The following MS4A4E variants were observed in gnomAD, a reference collection of about 807,000 sequenced individuals.
The protein encoded by MS4A4E is putative membrane-spanning 4-domains subfamily A member 4E.
In MS4A4E, 23 loss-of-function variants were observed where a neutral mutation model predicts 13.3. The ratio of observed to expected loss-of-function variants is 1.73; its 90% CI spans 1.25 to 2.45. MS4A4E has a LOEUF of 2.45. Ranked by LOEUF, MS4A4E falls within the 30% of genes most tolerant of loss-of-function variation. The pLI is 0.00. For synonymous variants in MS4A4E, 36 were observed against 45.6 expected, an observed-to-expected ratio of 0.79 and a Z score of 0.85; for missense variants, 144 against 131.2, an observed-to-expected ratio of 1.10 and a Z score of -0.48.
intron 5 of MS4A4E, chr11:60,209,205 T>G (rs1343035479): frequency 2.0e-5 from 3 of 152,336 alleles, no homozygotes; most frequent in African/African-American, 7.2e-5. Context: ...GAAATCAAGG[T>G]TGCTTATTAG....
intron 3 of MS4A4E, chr11:60,225,043 C>A (rs1419636122): frequency 2.0e-5 from 31 of 1,567,254 alleles, no homozygotes; most frequent in Non-Finnish European, 2.4e-5. Context: ...CAACACACAT[C>A]ATTATTATTC....
chr11:60,207,011 G>T (rs1023807202), intron 6 of MS4A4E, among the ~76,000 whole-genome samples: 3 of 152,150 alleles, frequency 2.0e-5, no homozygotes, highest in African/African-American at 7.2e-5. Flanking sequence ...TGCACAATAT[G>T]ATGGGTAAAC....
chr11:60,210,953 A>C (rs971385779), intron 5 of MS4A4E, among the ~76,000 whole-genome samples: 3 of 152,250 alleles, frequency 2.0e-5, no homozygotes, highest in Non-Finnish European at 4.4e-5. Flanking sequence ...AATTTTTAAA[A>C]ATAATTTCAA....
Position 60,202,835 on chromosome 11 carries a change from T to C in MS4A4E, c.660-956A>G, listed in dbSNP as rs190125650. On this transcript the variant is annotated intron_variant, in intron 8 of 8. Coordinates refer to ENST00000651255, the MANE Select transcript of MS4A4E (RefSeq NM_001393391.1). ...CGTATTACTATTGACAGTGGAAAACTGTACTACAGTTGGAATCTCATTTTA... is the reference window on the plus strand; with the variant it reads ...CGTATTACTATTGACAGTGGAAAACCGTACTACAGTTGGAATCTCATTTTA... Among the ~76,000 whole-genome samples, 5 of 152,354 alleles carry C rather than the reference T, an allele frequency of 3.3e-5. No individual in the cohort carries two copies. In the East Asian group the frequency reaches 5.8e-4, roughly 18 times the overall value.
At chr11:60,220,136 T>C (rs1263235554) in intron 3 of MS4A4E, among the ~76,000 whole-genome samples, 3 of 152,170 alleles carry the variant, frequency 2.0e-5, no homozygotes, top group African/African-American at 4.8e-5. Flanking sequence ...ATTGCAGACA[T>C]TAGTGCCACC....
intron 8 of MS4A4E, among the ~76,000 whole-genome samples, 167 bp downstream of exon 8, chr11:60,204,723 T>C (rs1190407178): frequency 6.6e-6 from 1 of 152,186 alleles, no homozygotes; most frequent in Admixed American, 6.5e-5. Context: ...TAAACATACT[T>C]CCTTTACAGA....
intron 1 of MS4A4E, among the ~76,000 whole-genome samples, chr11:60,230,817 T>G (rs1157809198): frequency 1.3e-5 from 2 of 152,246 alleles, no homozygotes; most frequent in Non-Finnish European, 2.9e-5. Context: ...TGGAAATTTT[T>G]ACCTATGTAT....
intron 4 of MS4A4E, 92 bp downstream of exon 4, chr11:60,214,479 A>G: frequency 1.1e-6 from 1 of 936,060 alleles, no homozygotes; most frequent in Non-Finnish European, 1.5e-6. Context: ...GACTTTTTTA[A>G]AAACAAACAA....
intron 1 of MS4A4E, among the ~76,000 whole-genome samples, chr11:60,241,470 C>T (rs1396514946): frequency 3.3e-5 from 5 of 152,144 alleles, no homozygotes; most frequent in African/African-American, 1.2e-4. Flanking sequence ...CTGTAAGCTT[C>T]CTGAGGGCCG....
chr11:60,214,518 T>C lies in MS4A4E; in HGVS notation c.222+53A>G, dbSNP rs1308564860. The C allele has an allele frequency of 2.3e-6, 3 of 1,285,396 alleles. No individual in the cohort carries two copies. In the African/African-American group the frequency reaches 4.6e-5, roughly 20 times the overall value. The allele number at this position is 1,285,396 out of a possible 1,614,324, so 79.6% of individuals were successfully genotyped here. A position where few individuals can be genotyped will look rare whatever the true frequency, so the allele number is the denominator to read the frequency against. ...AAACCTGTTTTATACCCTGGCAGAA[T>C]ACATTATTGATTAATCCTTTCCTTT... On this transcript the variant is annotated intron_variant, in intron 4 of 8. Coordinates refer to ENST00000651255, the MANE Select transcript of MS4A4E (RefSeq NM_001393391.1).
At chr11:60,232,284 AACACACACACACAC>A (rs3221531) in intron 1 of MS4A4E, among the ~76,000 whole-genome samples, 17 of 130,166 alleles carry the variant, frequency 1.3e-4, no homozygotes, top group Non-Finnish European at 2.4e-4. Flanking sequence ...CATCGCCATC[AACACACACACACAC>A]ACACACACAC....
chr11:60,202,482 G>A (rs1026953195), intron 8 of MS4A4E, among the ~76,000 whole-genome samples: 1 of 152,086 alleles, frequency 6.6e-6, no homozygotes, highest in African/African-American at 2.4e-5. Flanking sequence ...ACACTACATT[G>A]GCTTAGATTA....
At chr11:60,239,066 A>G (rs1425118037) in intron 1 of MS4A4E, among the ~76,000 whole-genome samples, 1 of 152,244 alleles carries the variant, frequency 6.6e-6, no homozygotes, top group East Asian at 1.9e-4. Context: ...CCAACAACTG[A>G]GGAATGAATA....
intron 2 of MS4A4E, among the ~76,000 whole-genome samples, chr11:60,229,556 A>G (rs921630414): frequency 4.6e-5 from 7 of 152,220 alleles, no homozygotes; most frequent in African/African-American, 9.6e-5. Flanking sequence ...AAGAAAGAGT[A>G]GCAATATACA....
chr11:60,219,977 G>A (rs1306853933), intron 3 of MS4A4E, among the ~76,000 whole-genome samples: 3 of 152,160 alleles, frequency 2.0e-5, no homozygotes, highest in Admixed American at 1.3e-4. Context: ...AATTGACACA[G>A]ACATGCTTAG....
chr11:60,218,100 C>CA (rs1337844251), intron 3 of MS4A4E, among the ~76,000 whole-genome samples: 2 of 152,186 alleles, frequency 1.3e-5, no homozygotes, highest in Non-Finnish European at 2.9e-5. Flanking sequence ...AATGGCCCCC[C>CA]AGATGTGCCG....
At chr11:60,233,034 C>T (rs1018392473) in intron 1 of MS4A4E, among the ~76,000 whole-genome samples, 1 of 152,086 alleles carries the variant, frequency 6.6e-6, no homozygotes, top group Admixed American at 6.5e-5. Context: ...CTGCAGTGCC[C>T]CACCTCCCCG....
chr11:60,234,814 T>C (rs1333565955), intron 1 of MS4A4E, among the ~76,000 whole-genome samples: 1 of 128,478 alleles, frequency 7.8e-6, no homozygotes, highest in Non-Finnish European at 1.6e-5. Flanking sequence ...CACTACTAAC[T>C]ACTTACCTAT....
intron 1 of MS4A4E, among the ~76,000 whole-genome samples, chr11:60,232,284 A>AAC (rs3221531): frequency 0.058 from 7,568 of 130,200 alleles, 221 homozygotes; most frequent in East Asian, 0.093. Context: ...CATCGCCATC[A>AAC]ACACACACAC....
Sources: gnomAD v4.1 joint callset for allele counts (sites outside exome capture counted in the v4.1 genomes callset) on GRCh38, gnomAD v4.1.1 for gene constraint, MANE v1.5 for transcripts, NCBI Gene and HGNC (gene_info 2026-07-23, HGNC 2026-07-21) for gene names.